FRMD4A: variants seen among roughly 807,000 people sequenced by gnomAD.
The protein encoded by FRMD4A is FERM domain containing 4A.
A neutral mutation model predicts 129.1 loss-of-function variants in FRMD4A; 29 were observed. The ratio of observed to expected loss-of-function variants is 0.22; its 90% CI spans 0.17 to 0.31. FRMD4A has a LOEUF of 0.31. Ranked by LOEUF, FRMD4A falls within the 10% of genes least tolerant of loss-of-function variation. The pLI, the probability that FRMD4A is intolerant of heterozygous loss-of-function variation, is 1.00. For missense variants in FRMD4A, 1,272 were observed against 1,375.8 expected (o/e 0.92, Z 1.19); for synonymous variants, 634 against 571.6 (o/e 1.11, Z -1.56).
intron 2 of FRMD4A, among the ~76,000 whole-genome samples, chr10:14,263,232 C>G (rs1412407962): frequency 6.6e-6 from 1 of 152,212 alleles, no homozygotes; most frequent in Non-Finnish European, 1.5e-5. Flanking sequence ...GCTTGGTTCC[C>G]TCCCCGCCAG....
intron 2 of FRMD4A, among the ~76,000 whole-genome samples, chr10:14,162,774 G>T (rs117972971): frequency 6.6e-6 from 1 of 151,640 alleles, no homozygotes; most frequent in Non-Finnish European, 1.5e-5. Flanking sequence ...ACTAGGTCAA[G>T]CTATGCACAG....
intron 2 of FRMD4A, among the ~76,000 whole-genome samples, chr10:14,172,312 GTTTCCATGTTTATTAGACAA>G (rs1364969995): frequency 1.3e-5 from 2 of 152,118 alleles, no homozygotes; most frequent in African/African-American, 4.8e-5. Flanking sequence ...GAACCCCACA[GTTTCCATGTTTATTAGACAA>G]TATGATGATC....
In FRMD4A at chr10:13,747,774, G is replaced by T; in HGVS notation, c.510C>A (p.Pro170=). 6.2e-7 allele frequency: 1 copy of T among 1,606,436 alleles called. No homozygotes were observed. Among genetic ancestry groups the T allele is most frequent in the Non-Finnish European group, 8.5e-7 (1 of 1,173,246 alleles). ...RSDLKKLPAL[P]TQALKEHPSL... ...AAGGGTGCTCCTTCAGGGCTTGGGT[G>T]GGAAGGGCTGGCAGCTTCTTCAAGT... Residue 170 remains proline (P), a synonymous_variant, in exon 9 of 25, where the codon CCC becomes CCA. Coordinates refer to ENST00000357447, the MANE Select transcript of FRMD4A (RefSeq NM_018027.5).
chr10:13,966,093 T>C (rs1979336), intron 2 of FRMD4A, among the ~76,000 whole-genome samples: 17,199 of 152,104 alleles, frequency 0.11, 1,079 homozygotes, highest in African/African-American at 0.14. Flanking sequence ...CACTGCGACC[T>C]CTCGAACTCC....
intron 6 of FRMD4A, among the ~76,000 whole-genome samples, chr10:13,766,361 A>C (rs1303997533): frequency 6.6e-6 from 1 of 152,216 alleles, no homozygotes; most frequent in Non-Finnish European, 1.5e-5. Flanking sequence ...GACCTTGACT[A>C]TCTATCTCCC....
At chr10:14,008,029 T>C in intron 2 of FRMD4A, 1 of 1,296,896 alleles carries the variant, frequency 7.7e-7, no homozygotes, top group Non-Finnish European at 1.0e-6. Context: ...TTGGAGCAAC[T>C]GAGAAGCAAA....
intron 2 of FRMD4A, among the ~76,000 whole-genome samples, chr10:14,284,490 T>A (rs776440874): frequency 1.5e-4 from 23 of 152,076 alleles, no homozygotes; most frequent in Non-Finnish European, 3.1e-4. Flanking sequence ...CTACTAAAAA[T>A]ACATTTTAAA....
chr10:13,903,867 C>T (rs1281925127), intron 2 of FRMD4A, among the ~76,000 whole-genome samples: 2 of 151,424 alleles, frequency 1.3e-5, no homozygotes, highest in African/African-American at 2.4e-5. Flanking sequence ...TGGGTGACAG[C>T]GACAGCTTGT....
intron 6 of FRMD4A, among the ~76,000 whole-genome samples, chr10:13,772,199 AT>A (rs1244489402): frequency 2.2e-5 from 3 of 137,266 alleles, no homozygotes; most frequent in Non-Finnish European, 4.9e-5. Flanking sequence ...TTATATAATA[AT>A]AAATATTTAT....
intron 2 of FRMD4A, among the ~76,000 whole-genome samples, chr10:14,129,269 T>C (rs1460536643): frequency 6.7e-6 from 1 of 150,240 alleles, no homozygotes; most frequent in Non-Finnish European, 1.5e-5. Context: ...CACAGAGACA[T>C]TTTTTTTCTT....
At chr10:14,006,419 A>G (rs1483245794) in intron 2 of FRMD4A, among the ~76,000 whole-genome samples, 1 of 152,228 alleles carries the variant, frequency 6.6e-6, no homozygotes, top group Non-Finnish European at 1.5e-5. Context: ...CTATATTCCC[A>G]TATTGTCAAT....
At position 13,864,841 on chromosome 10, in the gene FRMD4A, T is replaced by C. The variant is rs555154293; in HGVS notation, c.46-5929A>G. ...ATCCACCCGCCTTGGCCTCCCAAAA[T>C]GATGCAATTACAGGTGTGAGCCACC... On this transcript the variant is annotated intron_variant, in intron 2 of 24. Coordinates refer to ENST00000357447, the MANE Select transcript of FRMD4A (RefSeq NM_018027.5). Among the ~76,000 whole-genome samples, 3 of 152,242 alleles carry C rather than the reference T, an allele frequency of 2.0e-5. No homozygotes were observed. In the South Asian group the frequency reaches 6.2e-4, roughly 32 times the overall value.
chr10:14,083,974 G>T (rs1564274263), intron 2 of FRMD4A, among the ~76,000 whole-genome samples: 1 of 152,132 alleles, frequency 6.6e-6, no homozygotes, highest in African/African-American at 2.4e-5. Context: ...TTTATGGGAG[G>T]TTATACCAAG....
At chr10:14,030,628 A>G (rs1282735479) in intron 2 of FRMD4A, among the ~76,000 whole-genome samples, 2 of 152,236 alleles carry the variant, frequency 1.3e-5, no homozygotes, top group African/African-American at 4.8e-5. Context: ...GTCTAGTTAA[A>G]GGCTGGCCTG....
intron 2 of FRMD4A, among the ~76,000 whole-genome samples, chr10:14,194,542 C>A (rs12573194): frequency 0.25 from 37,549 of 152,014 alleles, 4,856 homozygotes; most frequent in Admixed American, 0.3. Context: ...ACCCGGGAGG[C>A]GGAGCTTGCA....
At chr10:13,693,712 A>G (rs984951680) in intron 15 of FRMD4A, 186 bp downstream of exon 15, 42 of 665,934 alleles carry the variant, frequency 6.3e-5, no homozygotes, top group Middle Eastern at 3.0e-4. Flanking sequence ...CCCTTCCACT[A>G]TTTGATTCCT....
intron 2 of FRMD4A, among the ~76,000 whole-genome samples, chr10:13,923,739 T>G (rs978835275): frequency 1.3e-5 from 2 of 152,216 alleles, no homozygotes; most frequent in African/African-American, 2.4e-5. Context: ...CAGTTGATCT[T>G]TAAGATATTT....
intron 16 of FRMD4A, among the ~76,000 whole-genome samples, chr10:13,672,729 TG>T (rs2083614698): frequency 6.6e-6 from 1 of 152,116 alleles, no homozygotes; most frequent in African/African-American, 2.4e-5. Flanking sequence ...TCATTCTAGT[TG>T]CCCCCCTCCC....
intron 2 of FRMD4A, among the ~76,000 whole-genome samples, chr10:14,329,803 C>T (rs1028868637): frequency 1.3e-5 from 2 of 152,178 alleles, no homozygotes; most frequent in Non-Finnish European, 2.9e-5. Flanking sequence ...GCTCTTAGCA[C>T]CTGTTTGCAA....
Sources: gnomAD v4.1 joint callset for allele counts (sites outside exome capture counted in the v4.1 genomes callset) on GRCh38, gnomAD v4.1.1 for gene constraint, MANE v1.5 for transcripts, NCBI Gene and HGNC (gene_info 2026-07-23, HGNC 2026-07-21) for gene names.